Variants in NSG2 observed in about 807,000 individuals in gnomAD.
NSG2 encodes the protein neuronal vesicle trafficking-associated protein 2.
Under a neutral mutation model 16.9 loss-of-function variants are expected in NSG2, and 4 were observed. The observed-to-expected ratio is 0.24, with a 90% CI of 0.12 to 0.54. The LOEUF (loss-of-function observed/expected upper bound fraction) is 0.54. Ranked by LOEUF, NSG2 falls within the 20% of genes least tolerant of loss-of-function variation. NSG2 has a pLI of 0.95. For synonymous variants in NSG2, 98 were observed against 88.7 expected (o/e 1.11, Z -0.59); for missense variants, 179 against 221.1 (o/e 0.81, Z 1.21).
At chr5:174,096,021 C>T (rs149029596) in intron 3 of NSG2, among the ~76,000 whole-genome samples, 1 of 152,332 alleles carries the variant, frequency 6.6e-6, no homozygotes, top group Non-Finnish European at 1.5e-5. Flanking sequence ...AGCTGTGTGA[C>T]CTTGAGAAAA....
At chr5:174,095,685 A>G (rs1030671439) in intron 3 of NSG2, among the ~76,000 whole-genome samples, 3 of 152,168 alleles carry the variant, frequency 2.0e-5, no homozygotes, top group Admixed American at 1.3e-4. Flanking sequence ...GTGGGCATGT[A>G]TTTCAGGGGC....
chr5:174,051,586 T>TCCAC (rs1417793966), intron 2 of NSG2, among the ~76,000 whole-genome samples: 3 of 152,064 alleles, frequency 2.0e-5, no homozygotes, highest in African/African-American at 7.2e-5. Flanking sequence ...CATCCATCCA[T>TCCAC]CCATCCATCC....
chr5:174,053,047 T>G (rs534020962), intron 2 of NSG2, among the ~76,000 whole-genome samples: 3 of 152,320 alleles, frequency 2.0e-5, no homozygotes, highest in East Asian at 1.9e-4. Flanking sequence ...ATGCTTTAAA[T>G]TTTGCACAGT....
intron 3 of NSG2, among the ~76,000 whole-genome samples, chr5:174,086,754 A>G (rs1053661537): frequency 6.6e-6 from 1 of 152,252 alleles, no homozygotes; most frequent in Non-Finnish European, 1.5e-5. Context: ...AGGTCTTAGT[A>G]TTCTCTGGCC....
chr5:174,055,634 G>T lies in NSG2; in HGVS notation c.130-8598G>T, dbSNP rs373270343. Among the ~76,000 whole-genome samples, 39 of 152,096 alleles carry T rather than the reference G, an allele frequency of 2.6e-4. No homozygotes were observed. In the Middle Eastern group the frequency reaches 0.01, roughly 40 times the overall value. ...AAAATAAAAATAAAAAAGTAAGTGGGGAGTTATAGATTTATTGAGGCAGAT... is the reference window on the plus strand; with the variant it reads ...AAAATAAAAATAAAAAAGTAAGTGGTGAGTTATAGATTTATTGAGGCAGAT... On this transcript the variant is annotated intron_variant, in intron 2 of 4. Transcript: ENST00000303177.
chr5:174,066,053 C>T (rs1440806249), intron 3 of NSG2, among the ~76,000 whole-genome samples: 1 of 152,140 alleles, frequency 6.6e-6, no homozygotes, highest in African/African-American at 2.4e-5. Flanking sequence ...CTATTTTTCT[C>T]CCCACTAAAT....
At chr5:174,066,882 T>C (rs1212886298) in intron 3 of NSG2, among the ~76,000 whole-genome samples, 2 of 143,972 alleles carry the variant, frequency 1.4e-5, no homozygotes, top group South Asian at 2.2e-4. Flanking sequence ...CCCAGCTACT[T>C]GGGAGGCTGA....
At chr5:174,089,254 T>C (rs1387972280) in intron 3 of NSG2, among the ~76,000 whole-genome samples, 1 of 152,164 alleles carries the variant, frequency 6.6e-6, no homozygotes, top group Non-Finnish European at 1.5e-5. Context: ...AAGCTGGGGT[T>C]GAGGCTCAGG....
At chr5:174,105,786 G>A (rs1215452150) in intron 4 of NSG2, among the ~76,000 whole-genome samples, 2 of 152,192 alleles carry the variant, frequency 1.3e-5, no homozygotes, top group Admixed American at 6.5e-5. Context: ...TGTAATCCCA[G>A]CTACTTGGGA....
At chr5:174,050,460 G>A (rs1027667492) in intron 2 of NSG2, among the ~76,000 whole-genome samples, 1 of 152,136 alleles carries the variant, frequency 6.6e-6, no homozygotes, top group Non-Finnish European at 1.5e-5. Flanking sequence ...GCCTTGTGAG[G>A]TGGATCTCAG....
At chr5:174,093,138 A>G (rs1384568965) in intron 3 of NSG2, among the ~76,000 whole-genome samples, 2 of 152,166 alleles carry the variant, frequency 1.3e-5, no homozygotes, top group Admixed American at 6.5e-5. Context: ...CCCCTCACAT[A>G]TGTAAGGTCT....
chr5:174,047,474 A>G (rs1362915475), intron 2 of NSG2, among the ~76,000 whole-genome samples: 5 of 152,258 alleles, frequency 3.3e-5, no homozygotes, highest in Non-Finnish European at 7.3e-5. Context: ...GGGACTGAGA[A>G]GACAGGTTAG....
At chr5:174,084,175 A>G (rs1446200018) in intron 3 of NSG2, 1 of 152,192 alleles carries the variant, frequency 6.6e-6, no homozygotes, top group African/African-American at 2.4e-5. Context: ...AATGGGAATA[A>G]CAGTAATTAT....
intron 3 of NSG2, among the ~76,000 whole-genome samples, chr5:174,065,786 CT>C (rs1201975059): frequency 6.6e-6 from 1 of 152,228 alleles, no homozygotes; most frequent in African/African-American, 2.4e-5. Flanking sequence ...GGGCTTGAGC[CT>C]TGGTTCCACC....
chr5:174,068,648 CTATGGAGGGTGCTGGTGT>C (rs1760184100), intron 3 of NSG2, among the ~76,000 whole-genome samples: 2 of 149,036 alleles, frequency 1.3e-5, no homozygotes, highest in Non-Finnish European at 1.5e-5. Flanking sequence ...GGTGCTGGTG[CTATGGAGGGTGCTGGTGT>C]CATAGTGATT....
At chr5:174,089,558 A>G (rs1203156748) in intron 3 of NSG2, among the ~76,000 whole-genome samples, 1 of 152,188 alleles carries the variant, frequency 6.6e-6, no homozygotes, top group Non-Finnish European at 1.5e-5. Flanking sequence ...CCGTGCAGGA[A>G]GAATAAGATC....
At chr5:174,104,454 T>G (rs1417714460) in intron 4 of NSG2, 116 bp downstream of exon 4, 4 of 703,472 alleles carry the variant, frequency 5.7e-6, no homozygotes, top group Non-Finnish European at 9.9e-6. Flanking sequence ...ACCGACTGTT[T>G]AAAATGGAAT....
chr5:174,079,939 A>G (rs1760420602), intron 3 of NSG2, among the ~76,000 whole-genome samples: 1 of 152,140 alleles, frequency 6.6e-6, no homozygotes, highest in Non-Finnish European at 1.5e-5. Flanking sequence ...ATTGTGTTTT[A>G]TATGTTACAA....
chr5:174,092,728 G>A (rs905120501), intron 3 of NSG2, among the ~76,000 whole-genome samples: 1 of 152,012 alleles, frequency 6.6e-6, no homozygotes, highest in Non-Finnish European at 1.5e-5. Flanking sequence ...TCGTACATTA[G>A]CGCACTGATT....
Sources: gnomAD v4.1 joint callset for allele counts (sites outside exome capture counted in the v4.1 genomes callset) on GRCh38, gnomAD v4.1.1 for gene constraint, MANE v1.5 for transcripts, NCBI Gene and HGNC (gene_info 2026-07-23, HGNC 2026-07-21) for gene names.